The following LRP1B variants were observed in gnomAD, a reference collection of about 807,000 sequenced individuals.
The protein encoded by LRP1B is low-density lipoprotein receptor-related protein 1B.
LRP1B carries 217 observed loss-of-function variants against 556.6 expected under a neutral mutation model. The observed-to-expected ratio is 0.39, with a 90% CI of 0.35 to 0.44. LRP1B has a LOEUF of 0.44. Ranked by LOEUF, LRP1B falls within the 20% of genes least tolerant of loss-of-function variation. LRP1B has a pLI of 1.00. For missense variants in LRP1B, 5,053 were observed against 5,620.8 expected, an observed-to-expected ratio of 0.90 and a Z score of 3.23; for synonymous variants, 2,047 against 1,865.8, an observed-to-expected ratio of 1.10 and a Z score of -2.50.
At chr2:141,205,823 A>G (rs563362627) in intron 6 of LRP1B, among the ~76,000 whole-genome samples, 1 of 152,320 alleles carries the variant, frequency 6.6e-6, no homozygotes, top group Admixed American at 6.5e-5. Flanking sequence ...TGAGATAATA[A>G]AAGACAAACA....
chr2:140,624,275 A>C (rs984736607), intron 41 of LRP1B, among the ~76,000 whole-genome samples: 2 of 151,960 alleles, frequency 1.3e-5, no homozygotes, highest in Non-Finnish European at 2.9e-5. Flanking sequence ...TACCATGCAA[A>C]CTTTAGTTCT....
intron 2 of LRP1B, among the ~76,000 whole-genome samples, chr2:141,689,664 A>G (rs1021491463): frequency 1.3e-5 from 2 of 151,788 alleles, no homozygotes; most frequent in African/African-American, 4.8e-5. Context: ...TCTTTTATCA[A>G]TGACTAATTA....
intron 1 of LRP1B, among the ~76,000 whole-genome samples, chr2:141,877,404 T>C (rs74936045): frequency 0.013 from 1,982 of 152,064 alleles, 13 homozygotes; most frequent in Non-Finnish European, 0.02. Context: ...AGTTTTTATA[T>C]CTGGGAAATG....
chr2:142,115,411 T>C (rs1707150744), intron 1 of LRP1B, among the ~76,000 whole-genome samples: 1 of 139,742 alleles, frequency 7.2e-6, no homozygotes, highest in South Asian at 2.1e-4. Flanking sequence ...GTGATAGTAC[T>C]AGATTATATC....
chr2:141,841,412 G>A (rs1303149669), intron 1 of LRP1B, among the ~76,000 whole-genome samples: 1 of 152,200 alleles, frequency 6.6e-6, no homozygotes, highest in Admixed American at 6.5e-5. Context: ...TTGCAAAATT[G>A]AGTGTTAAAA....
At chr2:141,942,672 A>G (rs764007891) in intron 1 of LRP1B, among the ~76,000 whole-genome samples, 8 of 152,328 alleles carry the variant, frequency 5.3e-5, no homozygotes, top group South Asian at 2.1e-4. Context: ...CAGATTCTCA[A>G]TAACTTCTGA....
chr2:141,426,840 T>G (rs1221166143), intron 3 of LRP1B, among the ~76,000 whole-genome samples: 4 of 152,228 alleles, frequency 2.6e-5, no homozygotes, highest in Non-Finnish European at 5.9e-5. Flanking sequence ...TATTTTATTT[T>G]CTTATTAGAT....
At chr2:140,689,101 TAC>T (rs982003783) in intron 41 of LRP1B, among the ~76,000 whole-genome samples, 2 of 152,242 alleles carry the variant, frequency 1.3e-5, no homozygotes, top group Non-Finnish European at 2.9e-5. Context: ...TGGCATTCAG[TAC>T]AGTGTTAAAG....
At chr2:141,818,186 G>A (rs992114188) in intron 1 of LRP1B, among the ~76,000 whole-genome samples, 1 of 152,154 alleles carries the variant, frequency 6.6e-6, no homozygotes, top group African/African-American at 2.4e-5. Flanking sequence ...AGCAGACAAT[G>A]AATTCATTAC....
intron 84 of LRP1B, among the ~76,000 whole-genome samples, chr2:140,289,122 T>G (rs1220658724): frequency 6.6e-6 from 1 of 151,998 alleles, no homozygotes; most frequent in African/African-American, 2.4e-5. Context: ...ATATAATTAC[T>G]AATATTTCAA....
chr2:141,741,875 T>A (rs144437221), intron 2 of LRP1B, among the ~76,000 whole-genome samples: 1 of 152,182 alleles, frequency 6.6e-6, no homozygotes, highest in Non-Finnish European at 1.5e-5. Context: ...ACAACTCCAA[T>A]ATCCTGGGGA....
chr2:140,950,213 A>G (rs1285582370), intron 20 of LRP1B, 22 bp downstream of exon 20: 5 of 1,501,214 alleles, frequency 3.3e-6, no homozygotes, highest in Non-Finnish European at 4.5e-6. Flanking sequence ...ATGAGATTTC[A>G]TTAATTTATA....
chr2:141,385,923 T>C (rs1300393360), intron 3 of LRP1B, among the ~76,000 whole-genome samples: 1 of 152,172 alleles, frequency 6.6e-6, no homozygotes. Context: ...TAATGGCATG[T>C]CATTTTTTTA....
At chr2:141,639,349 T>TACACATACAC (rs1689235011) in intron 2 of LRP1B, among the ~76,000 whole-genome samples, 1 of 56,112 alleles carries the variant, frequency 1.8e-5, no homozygotes, top group African/African-American at 6.7e-5. Context: ...TATATATATA[T>TACACATACAC]ACACACACAC....
intron 3 of LRP1B, among the ~76,000 whole-genome samples, chr2:141,313,422 TA>T (rs1686885714): frequency 6.6e-6 from 1 of 152,184 alleles, no homozygotes; most frequent in Non-Finnish European, 1.5e-5. Flanking sequence ...GAAAGCTTTT[TA>T]TGTGAGGGGT....
At chr2:140,723,931 T>G (rs1177681260) in intron 35 of LRP1B, among the ~76,000 whole-genome samples, 1 of 152,166 alleles carries the variant, frequency 6.6e-6, no homozygotes, top group African/African-American at 2.4e-5. Context: ...CTATATAACC[T>G]TCTGCCATAA....
At chr2:141,458,872 A>G (rs1377279404) in intron 3 of LRP1B, among the ~76,000 whole-genome samples, 2 of 152,196 alleles carry the variant, frequency 1.3e-5, no homozygotes, top group African/African-American at 4.8e-5. Context: ...TCATGTATAA[A>G]TGGATATAAA....
At chr2:140,358,249 G>A in intron 73 of LRP1B, 133 bp from the exon 74 acceptor site, 1 of 765,824 alleles carries the variant, frequency 1.3e-6, no homozygotes, top group Non-Finnish European at 2.0e-6. Context: ...AAGCTCTCAA[G>A]GCCAAATTTT....
intron 27 of LRP1B, among the ~76,000 whole-genome samples, chr2:140,852,358 CT>C (rs1323585514): frequency 6.6e-6 from 1 of 152,026 alleles, no homozygotes; most frequent in Admixed American, 6.6e-5. Context: ...GACGTCAAGA[CT>C]TTTTAAGGAG....
Sources: allele counts gnomAD v4.1 joint callset (sites outside exome capture counted in the v4.1 genomes callset), GRCh38; gene constraint gnomAD v4.1.1; transcripts MANE v1.5; gene names NCBI Gene and HGNC (gene_info 2026-07-23, HGNC 2026-07-21).